Variants in PCDH7 observed in about 807,000 individuals in gnomAD.
The protein encoded by PCDH7 is protocadherin 7.
In PCDH7, 17 loss-of-function variants were observed where a neutral mutation model predicts 58.9. The observed-to-expected ratio is 0.29, with a 90% confidence interval of 0.20 to 0.43. The LOEUF (loss-of-function observed/expected upper bound fraction) is 0.43, where lower values mean the gene tolerates loss of function less well. Ranked by LOEUF, PCDH7 falls within the 20% of genes least tolerant of loss-of-function variation. The probability of loss-of-function intolerance (pLI) is 1.00; values close to 1 mark genes in which losing one functional copy is unlikely to be tolerated. For missense variants in PCDH7, 1,274 were observed against 1,441.0 expected (o/e 0.88, Z 1.88); for synonymous variants, 664 against 616.4 (o/e 1.08, Z -1.14).
chr4:30,976,215 G>A (rs28441501), intron 3 of PCDH7, among the ~76,000 whole-genome samples: 5,739 of 151,830 alleles, frequency 0.038, 370 homozygotes, highest in African/African-American at 0.13. Flanking sequence ...GTGCAATGGC[G>A]TGATCTCGGC....
At chr4:30,781,707 T>A (rs1313385033) in intron 1 of PCDH7, among the ~76,000 whole-genome samples, 1 of 151,990 alleles carries the variant, frequency 6.6e-6, no homozygotes, top group East Asian at 1.9e-4. Context: ...CGGCTAATTT[T>A]GTATTTTCAG....
chr4:31,053,893 A>C (rs2109225059), intron 3 of PCDH7, among the ~76,000 whole-genome samples: 1 of 152,194 alleles, frequency 6.6e-6, no homozygotes, highest in African/African-American at 2.4e-5. Context: ...ACTAAACTAA[A>C]ATTTTCTGGT....
At chr4:30,826,842 C>T (rs903421097) in intron 1 of PCDH7, among the ~76,000 whole-genome samples, 4 of 152,118 alleles carry the variant, frequency 2.6e-5, no homozygotes, top group African/African-American at 9.7e-5. Flanking sequence ...CCTCCTGCCT[C>T]AGCCCCCCAA....
intron 1 of PCDH7, among the ~76,000 whole-genome samples, chr4:30,784,323 A>T (rs978409179): frequency 4.6e-5 from 7 of 152,208 alleles, no homozygotes; most frequent in African/African-American, 1.7e-4. Flanking sequence ...TGAGAAAAGT[A>T]CCTATTTCTT....
chr4:30,765,417 C>T (rs944393350), intron 1 of PCDH7, among the ~76,000 whole-genome samples: 1 of 151,846 alleles, frequency 6.6e-6, no homozygotes, highest in Admixed American at 6.6e-5. Flanking sequence ...TTCTGGAATG[C>T]GTGTTTTAGT....
intron 1 of PCDH7, among the ~76,000 whole-genome samples, chr4:30,891,459 G>A (rs1738595855): frequency 6.6e-6 from 1 of 151,992 alleles, no homozygotes; most frequent in Non-Finnish European, 1.5e-5. Context: ...ATATAAATAT[G>A]TAGAATAATG....
intron 1 of PCDH7, among the ~76,000 whole-genome samples, chr4:30,752,795 A>AG (rs1436520305): frequency 2.0e-5 from 3 of 150,542 alleles, no homozygotes; most frequent in Non-Finnish European, 4.4e-5. Context: ...AAAAAAAAAA[A>AG]AAAAAAAGAA....
In PCDH7 at chr4:30,798,839, T is replaced by G. The variant is rs190707872; in HGVS notation, c.70+74243T>G. On this transcript the variant is annotated intron_variant, in intron 1 of 3. Coordinates refer to the PCDH7 transcript ENST00000509759. ...TTATAAACTGATTTTTATTTCAGGC[T>G]GCATTTGTTTTATACTTTGCAGCAT... is the stretch of plus-strand genomic sequence containing the variant. 3.9e-5 allele frequency among the ~76,000 whole-genome samples: 6 copies of G among 152,344 alleles called. No individual in the cohort carries two copies. The East Asian group carries it at 1.2e-3, about 29-fold the overall frequency.
chr4:31,123,420 G>T (rs927260433), intron 3 of PCDH7, among the ~76,000 whole-genome samples: 1 of 152,138 alleles, frequency 6.6e-6, no homozygotes, highest in Non-Finnish European at 1.5e-5. Context: ...TCTGAAAGGG[G>T]TGGCTTGTTT....
intron 3 of PCDH7, among the ~76,000 whole-genome samples, chr4:31,020,229 A>G (rs1048882699): frequency 6.6e-6 from 1 of 152,234 alleles, no homozygotes; most frequent in Non-Finnish European, 1.5e-5. Context: ...ACAGGTCAGA[A>G]TGAATGGAAT....
chr4:31,126,087 ACTAGT>A (rs556257146), intron 3 of PCDH7, among the ~76,000 whole-genome samples: 93 of 150,744 alleles, frequency 6.2e-4, no homozygotes, highest in Admixed American at 1.3e-3. Context: ...GTAATATACA[ACTAGT>A]CTATTTCTTA....
chr4:30,969,634 AAAAG>A (rs1356063229), intron 3 of PCDH7, among the ~76,000 whole-genome samples: 2 of 152,150 alleles, frequency 1.3e-5, no homozygotes, highest in East Asian at 3.9e-4. Flanking sequence ...GATAGTTGGG[AAAAG>A]AAAGAGAGAG....
In PCDH7 at chr4:30,895,430, T is replaced by G. The variant is rs6817713; in HGVS notation, c.71-24723T>G. Among the ~76,000 whole-genome samples the G allele has an allele frequency of 2.0e-4, 30 of 152,098 alleles. 1 individual carries two copies. The Middle Eastern group carries it at 0.01, about 52-fold the overall frequency. On this transcript the variant is annotated intron_variant, in intron 1 of 3. Transcript: ENST00000509759. ...AGAAAGCTTCTGAGCAGTGTGGCTA[T>G]AGGAACATATGATGTATTTCTAATG...
chr4:30,968,805 G>A (rs1749279722), intron 3 of PCDH7, among the ~76,000 whole-genome samples: 1 of 152,168 alleles, frequency 6.6e-6, no homozygotes, highest in East Asian at 1.9e-4. Context: ...TAGTGGCATA[G>A]GATGCTCTAT....
intron 1 of PCDH7, among the ~76,000 whole-genome samples, chr4:30,789,432 T>C (rs982470507): frequency 2.0e-5 from 3 of 152,184 alleles, no homozygotes; most frequent in Non-Finnish European, 4.4e-5. Flanking sequence ...AACTCTCTGC[T>C]TTAGAAGAAG....
intron 1 of PCDH7, among the ~76,000 whole-genome samples, chr4:30,863,094 A>T (rs2109355735): frequency 6.6e-6 from 1 of 152,270 alleles, no homozygotes. Flanking sequence ...AGCACTCCAA[A>T]TTCGTATGTG....
chr4:31,034,029 G>T (rs1755179551), intron 3 of PCDH7, among the ~76,000 whole-genome samples: 1 of 152,150 alleles, frequency 6.6e-6, no homozygotes, highest in Non-Finnish European at 1.5e-5. Context: ...GGGAGGCAGA[G>T]GTTGCAGTGC....
intron 1 of PCDH7, among the ~76,000 whole-genome samples, chr4:30,817,651 C>G (rs1727864184): frequency 6.6e-6 from 1 of 151,632 alleles, no homozygotes; most frequent in African/African-American, 2.4e-5. Context: ...GACCTGTCAG[C>G]ATTTTTCAGG....
At chr4:30,971,186 T>C (rs1749552428) in intron 3 of PCDH7, among the ~76,000 whole-genome samples, 1 of 152,090 alleles carries the variant, frequency 6.6e-6, no homozygotes, top group South Asian at 2.1e-4. Context: ...CTGCCCTGAG[T>C]TTCTTAACTA....
Sources: gnomAD v4.1 joint callset for allele counts (sites outside exome capture counted in the v4.1 genomes callset) on GRCh38, gnomAD v4.1.1 for gene constraint, MANE v1.5 for transcripts, NCBI Gene and HGNC (gene_info 2026-07-23, HGNC 2026-07-21) for gene names.